Variants in YME1L1 observed in about 807,000 individuals in gnomAD.
YME1L1 encodes the protein ATP-dependent zinc metalloprotease YME1L1.
Under a neutral mutation model 90.4 loss-of-function variants are expected in YME1L1, and 39 were observed. The ratio of observed to expected loss-of-function variants is 0.43; its 90% CI spans 0.33 to 0.56. YME1L1 has a LOEUF of 0.56. Ranked by LOEUF, YME1L1 falls within the 20% of genes least tolerant of loss-of-function variation. The probability of loss-of-function intolerance (pLI) is 0.03; values close to 1 mark genes in which losing one functional copy is unlikely to be tolerated. For missense variants in YME1L1, 617 were observed against 868.4 expected, an observed-to-expected ratio of 0.71 and a Z score of 3.64; for synonymous variants, 284 against 287.3, an observed-to-expected ratio of 0.99 and a Z score of 0.12.
chr10:27,145,857 C>CT (rs34273028), intron 2 of YME1L1: 1,293 of 190,058 alleles, frequency 6.8e-3, no homozygotes, highest in Non-Finnish European at 9.5e-3. Context: ...ATGAGAAAAA[C>CT]TTTTTTTTTT....
chr10:27,136,196 A>C, intron 5 of YME1L1, 80 bp downstream of exon 5: 16 of 1,167,822 alleles, frequency 1.4e-5, no homozygotes, highest in South Asian at 2.5e-5. Context: ...ATCAGCCAAC[A>C]AAAGAAATCA....
At chr10:27,130,494 T>G (rs1275762282) in intron 8 of YME1L1, among the ~76,000 whole-genome samples, 1 of 152,210 alleles carries the variant, frequency 6.6e-6, no homozygotes, top group Non-Finnish European at 1.5e-5. Flanking sequence ...TTCGTATCTC[T>G]CACACTTAAC....
chr10:27,123,642 G>A lies in YME1L1; in HGVS notation c.1007C>T (p.Ala336Val), dbSNP rs755644681. 5.6e-6 allele frequency: 9 copies of A among 1,613,586 alleles called. No individual in the cohort carries two copies. The highest frequency in any genetic ancestry group is 2.7e-5 in the African/African-American group (2 of 74,880). ...ATAAAAAGGAACATCAGCTTCTCCC[G>A]CCACAGCTCGGGCAAGAAGTGTCTT... The part of the protein sequence containing the change: ...TGKTLLARAV[A>V]GEADVPFYYA... Residue 336 changes from alanine to valine, a missense_variant, in exon 10 of 19, where the codon GCG becomes GTG. Transcript: ENST00000376016.
chr10:27,120,180 T>C (rs2056852342), intron 13 of YME1L1, among the ~76,000 whole-genome samples: 1 of 152,200 alleles, frequency 6.6e-6, no homozygotes, highest in African/African-American at 2.4e-5. Context: ...TGTGTATGTA[T>C]ATGTATGTAT....
intron 8 of YME1L1, among the ~76,000 whole-genome samples, chr10:27,128,153 C>A (rs905405493): frequency 6.6e-6 from 1 of 152,002 alleles, no homozygotes; most frequent in Non-Finnish European, 1.5e-5. Context: ...ATTTTTAAGG[C>A]TATATATATA....
At chr10:27,126,637 T>G (rs1026361525) in intron 9 of YME1L1, 59 bp downstream of exon 9, 5 of 928,486 alleles carry the variant, frequency 5.4e-6, no homozygotes, top group Admixed American at 6.7e-5. Flanking sequence ...AGGTTTTTTT[T>G]GTTTGTTTCT....
intron 1 of YME1L1, among the ~76,000 whole-genome samples, chr10:27,151,921 C>T (rs2057224216): frequency 1.3e-5 from 2 of 151,596 alleles, no homozygotes; most frequent in East Asian, 1.9e-4. Context: ...GTATGCATAC[C>T]CGTGTTTGTT....
chr10:27,123,800 C>T, intron 9 of YME1L1, 101 bp from the exon 10 acceptor site: 2 of 1,248,922 alleles, frequency 1.6e-6, no homozygotes, highest in Non-Finnish European at 2.2e-6. Context: ...AATTTTCAGG[C>T]TGAGGTCACA....
At chr10:27,137,147 T>C (rs1484866853) in intron 4 of YME1L1, among the ~76,000 whole-genome samples, 1 of 152,196 alleles carries the variant, frequency 6.6e-6, no homozygotes, top group Non-Finnish European at 1.5e-5. Flanking sequence ...ATTAGTGTCT[T>C]CTAATTTCTC....
At chr10:27,122,695 G>GA in intron 11 of YME1L1, 146 bp downstream of exon 11, 1 of 1,050,372 alleles carries the variant, frequency 9.5e-7, no homozygotes. Flanking sequence ...TTGCATGAGG[G>GA]ACTACTCTGT....
intron 3 of YME1L1, among the ~76,000 whole-genome samples, chr10:27,143,474 C>T (rs559142750): frequency 2.0e-5 from 3 of 151,664 alleles, no homozygotes; most frequent in Admixed American, 1.3e-4. Flanking sequence ...CTGAGGCGGG[C>T]GGATCACGAG....
intron 2 of YME1L1, chr10:27,147,668 A>C: frequency 1.3e-6 from 2 of 1,549,480 alleles, no homozygotes; most frequent in South Asian, 1.2e-5. Context: ...CTGAACATAC[A>C]CTGTAGGAAG....
chr10:27,142,441 G>T lies in YME1L1; in HGVS notation c.376C>A (p.Arg126=). 6.5e-7 allele frequency: 1 copy of T among 1,528,822 alleles called. No homozygotes were observed. Among genetic ancestry groups the T allele is most frequent in the Admixed American group, 2.1e-5 (1 of 48,266 alleles). The allele number at this position is 1,528,822 out of a possible 1,614,324, so 94.7% of individuals were successfully genotyped here. ...CTTTGAAGAGCTCTTGAATGATGTCGATACAAGCAAGAGGAACGTAATGTA... is the reference window on the plus strand; with the variant it reads ...CTTTGAAGAGCTCTTGAATGATGTCTATACAAGCAAGAGGAACGTAATGTA... ...FSTLRSSCLY[R]HHSRALQSIC... Residue 126 remains arginine, a synonymous_variant, in exon 4 of 19, where the codon CGA becomes AGA. Transcript: ENST00000376016.
At chr10:27,152,912 AATC>A (rs2057240559) in intron 1 of YME1L1, among the ~76,000 whole-genome samples, 1 of 152,198 alleles carries the variant, frequency 6.6e-6, no homozygotes, top group Non-Finnish European at 1.5e-5. Flanking sequence ...ATGAAAATCT[AATC>A]ATGTTTTAAA....
intron 1 of YME1L1, among the ~76,000 whole-genome samples, chr10:27,149,741 CT>C (rs2057189219): frequency 1.2e-5 from 1 of 86,812 alleles, no homozygotes. Flanking sequence ...AAAAAAGAAA[CT>C]ACCACAGAAT....
In YME1L1 at chr10:27,143,662, C is replaced by A. The variant is rs551645900; in HGVS notation, c.332-1177G>T. 7.5e-5 allele frequency among the ~76,000 whole-genome samples: 11 copies of A among 146,250 alleles called. No homozygotes were observed. The East Asian group carries it at 2.2e-3, about 29-fold the overall frequency. On this transcript the variant is annotated intron_variant, in intron 3 of 18. Coordinates refer to ENST00000376016, the MANE Select transcript of YME1L1 (RefSeq NM_014263.4). The stretch of plus-strand genomic sequence containing the variant: ...ACAGTGAGCCGAGATTGCCCCACTG[C>A]ACTCCAGCCTGGGCAACACAGCAAG...
chr10:27,141,915 C>T (rs1564466458), intron 4 of YME1L1, among the ~76,000 whole-genome samples: 1 of 152,186 alleles, frequency 6.6e-6, no homozygotes. Context: ...TGACATCTAT[C>T]ACTAGTGCCT....
At chr10:27,132,206 T>C (rs1457392127) in intron 7 of YME1L1, among the ~76,000 whole-genome samples, 2 of 152,146 alleles carry the variant, frequency 1.3e-5, no homozygotes, top group Admixed American at 6.5e-5. Context: ...GTTCAAGCGA[T>C]TCTCCTGCCT....
At chr10:27,123,798 G>A in intron 9 of YME1L1, 99 bp from the exon 10 acceptor site, 1 of 1,268,504 alleles carries the variant, frequency 7.9e-7, no homozygotes, top group Non-Finnish European at 1.1e-6. Context: ...ATAATTTTCA[G>A]GCTGAGGTCA....
Sources: gnomAD v4.1 joint callset for allele counts (sites outside exome capture counted in the v4.1 genomes callset) on GRCh38, gnomAD v4.1.1 for gene constraint, MANE v1.5 for transcripts, NCBI Gene and HGNC (gene_info 2026-07-23, HGNC 2026-07-21) for gene names.